Variants in HUNK observed in about 807,000 individuals in gnomAD.
HUNK encodes hormonally up-regulated neu tumor-associated kinase.
In HUNK, 21 loss-of-function variants were observed where a neutral mutation model predicts 61.0. The ratio of observed to expected loss-of-function variants is 0.34; its 90% CI spans 0.24 to 0.50. The LOEUF (loss-of-function observed/expected upper bound fraction) is 0.50. Ranked by LOEUF, HUNK falls within the 20% of genes least tolerant of loss-of-function variation. HUNK has a pLI of 0.98. For synonymous variants in HUNK, 371 were observed against 386.1 expected (o/e 0.96, Z 0.46); for missense variants, 772 against 945.7 (o/e 0.82, Z 2.41).
chr21:31,992,051 G>A (rs1389859178), intron 9 of HUNK, among the ~76,000 whole-genome samples: 1 of 152,254 alleles, frequency 6.6e-6, no homozygotes, highest in Non-Finnish European at 1.5e-5. Context: ...TATGGAGAGA[G>A]CGAGGAATGG....
intron 1 of HUNK, among the ~76,000 whole-genome samples, chr21:31,898,393 G>C (rs2052440432): frequency 6.6e-6 from 1 of 152,140 alleles, no homozygotes; most frequent in South Asian, 2.1e-4. Flanking sequence ...AGCCTCCCGA[G>C]TAGCTGGGAC....
chr21:31,973,590 A>G (rs1601405344), intron 6 of HUNK, among the ~76,000 whole-genome samples: 2 of 151,932 alleles, frequency 1.3e-5, no homozygotes, highest in African/African-American at 4.8e-5. Context: ...GGTGATGATG[A>G]TGATGATGAT....
intron 7 of HUNK, among the ~76,000 whole-genome samples, chr21:31,979,515 C>CTTTTTTTTTTTTT (rs71193166): frequency 2.9e-5 from 1 of 34,352 alleles, no homozygotes; most frequent in East Asian, 7.9e-4. Flanking sequence ...TGTTTGCATT[C>CTTTTTTTTTTTTT]TTTTTTTTTT....
chr21:31,998,701 G>A lies in HUNK; in HGVS notation c.1662G>A (p.Leu554=). 6.2e-7 allele frequency: 1 copy of A among 1,614,182 alleles called. No homozygotes were observed. Residue 554 remains leucine, a synonymous_variant, in exon 11 of 11, where the codon CTG becomes CTA. Coordinates refer to ENST00000270112, the MANE Select transcript of HUNK (RefSeq NM_014586.2). ...STGIPHKEDP[L]MLDMVRSFES... is the part of the protein sequence containing the mutation. ...GCATCCCCCACAAGGAAGACCCCCT[G>A]ATGCTGGACATGGTGCGCTCCTTCG...
At chr21:31,992,541 G>A (rs370664522) in intron 9 of HUNK, among the ~76,000 whole-genome samples, 2 of 152,216 alleles carry the variant, frequency 1.3e-5, no homozygotes, top group African/African-American at 4.8e-5. Context: ...AGGTGCGAGA[G>A]GGCGGGCTTC....
At chr21:31,957,927 G>A (rs1385569750) in intron 4 of HUNK, among the ~76,000 whole-genome samples, 5 of 152,180 alleles carry the variant, frequency 3.3e-5, no homozygotes, top group Non-Finnish European at 7.3e-5. Context: ...ATGAGGCTTC[G>A]TTTCTGAGGG....
In HUNK at chr21:31,924,446, C is replaced by A. The variant is rs1465327670; in HGVS notation, c.262-22C>A. ...ATTGTCTGTAATGTCTGATAACAGGCATGTTCTTGTTTTCTCCTTAGGTGG... is the reference window on the plus strand; with the variant it reads ...ATTGTCTGTAATGTCTGATAACAGGAATGTTCTTGTTTTCTCCTTAGGTGG... On this transcript the variant is annotated intron_variant, in intron 1 of 10. Transcript: ENST00000270112. This position sits in a 1 kb window ranked among gnomAD's most constrained non-coding sequence, Gnocchi z 5.1. 1 of 1,603,362 alleles carries A rather than the reference C, an allele frequency of 6.2e-7. No homozygotes were observed. The highest frequency in any genetic ancestry group is 8.5e-7 in the Non-Finnish European group (1 of 1,175,080).
intron 5 of HUNK, among the ~76,000 whole-genome samples, chr21:31,961,499 A>G (rs905183736): frequency 3.9e-5 from 6 of 152,182 alleles, no homozygotes; most frequent in Non-Finnish European, 8.8e-5. Flanking sequence ...TGGCTGGACC[A>G]TTTTGCATTC....
At chr21:31,906,127 T>C (rs1299294934) in intron 1 of HUNK, among the ~76,000 whole-genome samples, 1 of 152,230 alleles carries the variant, frequency 6.6e-6, no homozygotes, top group African/African-American at 2.4e-5. Context: ...CACTGTGTTG[T>C]TATTATTGTT....
chr21:31,900,322 C>T (rs537960205), intron 1 of HUNK, among the ~76,000 whole-genome samples: 1 of 152,170 alleles, frequency 6.6e-6, no homozygotes, highest in African/African-American at 2.4e-5. Context: ...TTTCTCCCCG[C>T]TCTTTGTTCT....
At chr21:31,950,007 A>G (rs2052838359) in intron 4 of HUNK, among the ~76,000 whole-genome samples, 1 of 152,164 alleles carries the variant, frequency 6.6e-6, no homozygotes, top group South Asian at 2.1e-4. Context: ...TGCCCCCATG[A>G]CACAGCCAGC....
At position 31,930,548 on chromosome 21, in the gene HUNK, C is replaced by T. The variant is rs561836870; in HGVS notation, c.554+5788C>T. ...CCAGGCTTGGCCCCCTGGCCATAGA[C>T]TCTCAGCACCCTCTACTTTTCTTTC... On this transcript the variant is annotated intron_variant, in intron 2 of 10. Coordinates refer to ENST00000270112, the MANE Select transcript of HUNK (RefSeq NM_014586.2). Among the ~76,000 whole-genome samples the T allele has an allele frequency of 7.2e-5, 11 of 152,370 alleles. No individual in the cohort carries two copies. The East Asian group carries it at 2.1e-3, about 29-fold the overall frequency.
chr21:31,959,234 G>A (rs531476124), intron 5 of HUNK, among the ~76,000 whole-genome samples: 4 of 152,148 alleles, frequency 2.6e-5, no homozygotes, highest in African/African-American at 4.8e-5. Flanking sequence ...CACAAAACAC[G>A]TAGATCCAAA....
At chr21:31,939,399 G>GTTTTTTTTTTTT (rs398036365) in intron 2 of HUNK, among the ~76,000 whole-genome samples, 1 of 66,720 alleles carries the variant, frequency 1.5e-5, no homozygotes. Context: ...GCTTTCATGT[G>GTTTTTTTTTTTT]TTTTTTTTTT....
At chr21:31,960,575 C>T (rs912588262) in intron 5 of HUNK, among the ~76,000 whole-genome samples, 4 of 151,992 alleles carry the variant, frequency 2.6e-5, no homozygotes, top group Non-Finnish European at 5.9e-5. Flanking sequence ...GTTTAATAGA[C>T]TCACAGTTCC....
chr21:31,976,718 C>T (rs2053052464), intron 7 of HUNK, among the ~76,000 whole-genome samples: 1 of 151,298 alleles, frequency 6.6e-6, no homozygotes, highest in Non-Finnish European at 1.5e-5. Flanking sequence ...CCTCCTACCT[C>T]AGCCTCCCAA....
chr21:31,902,445 G>T (rs1259093104), intron 1 of HUNK, among the ~76,000 whole-genome samples: 1 of 152,184 alleles, frequency 6.6e-6, no homozygotes, highest in Non-Finnish European at 1.5e-5. Context: ...GGGAGACGGA[G>T]GTTGCGGTGA....
At chr21:31,996,515 AACTG>A (rs535687518) in intron 10 of HUNK, among the ~76,000 whole-genome samples, 28 of 152,304 alleles carry the variant, frequency 1.8e-4, no homozygotes, top group African/African-American at 6.5e-4. Flanking sequence ...CATCACAGAT[AACTG>A]ACAAATATGT....
In HUNK at chr21:32,002,564, G is replaced by A; in HGVS notation, c.*3380G>A. ...AAGAAGAATCAACCTTTTTCATTTG[G>A]GGATATTAGGATCTTCCTTGGAGAC... On this transcript the variant is annotated 3_prime_UTR_variant, in exon 11 of 11. Coordinates refer to ENST00000270112, the MANE Select transcript of HUNK (RefSeq NM_014586.2). 6.6e-6 allele frequency: 1 copy of A among 152,158 alleles called. No individual in the cohort carries two copies. The highest frequency in any genetic ancestry group is 2.1e-4 in the South Asian group (1 of 4,826). 9.4% of individuals were successfully genotyped at this position (152,158 alleles called of 1,614,324 possible). A position where few individuals can be genotyped will look rare whatever the true frequency, so the allele number is the denominator to read the frequency against.
Sources: allele counts gnomAD v4.1 joint callset (sites outside exome capture counted in the v4.1 genomes callset), GRCh38; gene constraint gnomAD v4.1.1; non-coding constraint Gnocchi (gnomAD v3.1); transcripts MANE v1.5; gene names NCBI Gene and HGNC (gene_info 2026-07-23, HGNC 2026-07-21).